The following SLC41A2 variants were observed in gnomAD, a reference collection of about 807,000 sequenced individuals.
The protein encoded by SLC41A2 is solute carrier family 41 member 2.
SLC41A2 carries 32 observed loss-of-function variants against 58.3 expected under a neutral mutation model. That is an observed-to-expected ratio of 0.55 (90% confidence interval 0.41 to 0.74). The LOEUF (loss-of-function observed/expected upper bound fraction) is 0.74. Among genes scored for constraint, SLC41A2 ranks in the 30% least tolerant of loss-of-function variants. SLC41A2 has a pLI of 0.00. For synonymous variants in SLC41A2, 190 were observed against 235.0 expected (o/e 0.81, Z 1.75); for missense variants, 514 against 680.6 (o/e 0.76, Z 2.72).
At chr12:104,937,858 T>C (rs1488291140) in intron 1 of SLC41A2, among the ~76,000 whole-genome samples, 2 of 152,214 alleles carry the variant, frequency 1.3e-5, no homozygotes, top group Non-Finnish European at 2.9e-5. Context: ...CAAAAAGGAA[T>C]CATTTGATAT....
intron 2 of SLC41A2, among the ~76,000 whole-genome samples, chr12:104,910,899 T>G (rs2046056768): frequency 6.6e-6 from 1 of 152,218 alleles, no homozygotes; most frequent in Non-Finnish European, 1.5e-5. Context: ...TTTCCAGGTC[T>G]TTTCCTGATC....
At chr12:104,886,134 A>T (rs1278319653) in intron 6 of SLC41A2, among the ~76,000 whole-genome samples, 159 bp downstream of exon 6, 2 of 152,158 alleles carry the variant, frequency 1.3e-5, no homozygotes, top group Non-Finnish European at 2.9e-5. Flanking sequence ...GGGAATCATA[A>T]CACATAGTAG....
chr12:104,808,824 A>G (rs1015734758), intron 10 of SLC41A2, among the ~76,000 whole-genome samples: 4 of 152,110 alleles, frequency 2.6e-5, no homozygotes, highest in Admixed American at 2.6e-4. Context: ...GAATTTATCC[A>G]TTTCTTCTAG....
At chr12:104,903,695 ACTT>A (rs1177652505) in intron 3 of SLC41A2, among the ~76,000 whole-genome samples, 1 of 152,006 alleles carries the variant, frequency 6.6e-6, no homozygotes, top group African/African-American at 2.4e-5. Context: ...TGGCCTCAAC[ACTT>A]CTTATTTACG....
chr12:104,929,519 A>G (rs1047134371), intron 1 of SLC41A2, among the ~76,000 whole-genome samples: 5 of 152,228 alleles, frequency 3.3e-5, no homozygotes, highest in African/African-American at 1.2e-4. Context: ...CTGGCCACTC[A>G]GTGACTAGAG....
At chr12:104,807,023 C>T (rs1333764123) in intron 10 of SLC41A2, among the ~76,000 whole-genome samples, 3 of 152,166 alleles carry the variant, frequency 2.0e-5, no homozygotes, top group Non-Finnish European at 2.9e-5. Context: ...GTTGCTTGTT[C>T]ACTCTGATGG....
At chr12:104,942,296 T>C (rs754512674) in intron 1 of SLC41A2, among the ~76,000 whole-genome samples, 2 of 151,926 alleles carry the variant, frequency 1.3e-5, no homozygotes, top group Non-Finnish European at 2.9e-5. Context: ...CTGAGCAACA[T>C]GGCAGAAACC....
intron 2 of SLC41A2, among the ~76,000 whole-genome samples, chr12:104,915,504 C>G (rs892661848): frequency 1.2e-4 from 19 of 152,056 alleles, no homozygotes; most frequent in Non-Finnish European, 2.5e-4. Context: ...AAGTTAGATT[C>G]CTAGGTATTT....
Position 104,824,635 on chromosome 12 carries a change from A to G in SLC41A2, c.1537-19298T>C, listed in dbSNP as rs79037614. 3.5e-3 allele frequency among the ~76,000 whole-genome samples: 531 copies of G among 152,270 alleles called. 7 individuals are homozygous for G. Among genetic ancestry groups the G allele is most frequent in the African/African-American group, 0.012 (496 of 41,546 alleles). On this transcript the variant is annotated intron_variant, in intron 10 of 10. Coordinates refer to ENST00000258538, the MANE Select transcript of SLC41A2 (RefSeq NM_001352171.3). ...GGCAGGAGTCTAATTGAGCTAGCAC[A>G]AGCTGCCTACAGATGGCTAAACTAA...
intron 2 of SLC41A2, among the ~76,000 whole-genome samples, chr12:104,921,884 G>A (rs527903601): frequency 4.3e-4 from 65 of 152,280 alleles, no homozygotes; most frequent in East Asian, 1.2e-3. Flanking sequence ...AGGGGGTGGA[G>A]TTAAAGTGTA....
intron 10 of SLC41A2, among the ~76,000 whole-genome samples, chr12:104,831,352 C>T (rs1295745647): frequency 6.6e-6 from 1 of 152,178 alleles, no homozygotes; most frequent in African/African-American, 2.4e-5. Context: ...GTTGGGATTA[C>T]AGGCATGAGC....
intron 1 of SLC41A2, among the ~76,000 whole-genome samples, chr12:104,930,657 G>A (rs2047017239): frequency 6.6e-6 from 1 of 152,156 alleles, no homozygotes; most frequent in South Asian, 2.1e-4. Context: ...AGAAATGTAG[G>A]TAAACAAGAA....
At chr12:104,871,911 C>T (rs2043800225) in intron 6 of SLC41A2, among the ~76,000 whole-genome samples, 1 of 152,138 alleles carries the variant, frequency 6.6e-6, no homozygotes. Context: ...TGACCAGCCA[C>T]ACATTAAACA....
chr12:104,909,832 T>A, intron 2 of SLC41A2, 70 bp from the exon 3 acceptor site: 1 of 1,089,506 alleles, frequency 9.2e-7, no homozygotes, highest in Non-Finnish European at 1.3e-6. Flanking sequence ...AAGACATTTC[T>A]AAAAATCTCA....
intron 6 of SLC41A2, among the ~76,000 whole-genome samples, chr12:104,874,746 T>C (rs951495281): frequency 5.3e-5 from 8 of 152,236 alleles, no homozygotes; most frequent in African/African-American, 1.9e-4. Flanking sequence ...TTGATTACTA[T>C]AGCTTTGTGA....
intron 1 of SLC41A2, among the ~76,000 whole-genome samples, chr12:104,952,693 T>G (rs2048000436): frequency 6.6e-6 from 1 of 152,188 alleles, no homozygotes; most frequent in Admixed American, 6.5e-5. Flanking sequence ...TTCTATTGTA[T>G]TCCTTTTAAA....
intron 1 of SLC41A2, among the ~76,000 whole-genome samples, chr12:104,933,152 C>G (rs2047134233): frequency 6.6e-6 from 1 of 152,048 alleles, no homozygotes; most frequent in Non-Finnish European, 1.5e-5. Flanking sequence ...GGACTAATAT[C>G]CAGGTTCTAC....
rs1174060821 is a variant in SLC41A2, at chr12:104,915,432, CT to C, written c.556-5671del. ...ATGTTCTTCCATTTGTTTGTATCCTCTTTTTATTTCATTGAGCAGTGGTGTG... is the reference window on the plus strand; with the variant it reads ...ATGTTCTTCCATTTGTTTGTATCCTCTTTTATTTCATTGAGCAGTGGTGTG... On this transcript the variant is annotated intron_variant, in intron 2 of 10. Transcript: ENST00000258538. Among the ~76,000 whole-genome samples, 5 of 152,282 alleles carry C rather than the reference CT, an allele frequency of 3.3e-5. No homozygotes were observed. The East Asian group carries it at 9.6e-4, about 29-fold the overall frequency.
At chr12:104,816,018 C>A (rs752346264) in intron 10 of SLC41A2, among the ~76,000 whole-genome samples, 1 of 151,978 alleles carries the variant, frequency 6.6e-6, no homozygotes, top group Non-Finnish European at 1.5e-5. Context: ...TCTCTATTTT[C>A]AGAAGAGAAA....
Sources: allele counts gnomAD v4.1 joint callset (sites outside exome capture counted in the v4.1 genomes callset), GRCh38; gene constraint gnomAD v4.1.1; transcripts MANE v1.5; gene names NCBI Gene and HGNC (gene_info 2026-07-23, HGNC 2026-07-21).